KAT6A: variants seen among roughly 807,000 people sequenced by gnomAD.
The protein encoded by KAT6A is histone acetyltransferase KAT6A.
A neutral mutation model predicts 198.4 loss-of-function variants in KAT6A; 9 were observed. That is an observed-to-expected ratio of 0.05 (90% confidence interval 0.03 to 0.08). The LOEUF is 0.08. KAT6A is among the 10% of genes least tolerant of loss of function. KAT6A has a pLI of 1.00. For missense variants in KAT6A, 2,077 were observed against 2,509.9 expected, an observed-to-expected ratio of 0.83 and a Z score of 3.69; for synonymous variants, 890 against 883.0, an observed-to-expected ratio of 1.01 and a Z score of -0.14.
At chr8:42,029,775 TATTTC>T (rs1207912119) in intron 2 of KAT6A, among the ~76,000 whole-genome samples, 1 of 152,088 alleles carries the variant, frequency 6.6e-6, no homozygotes, top group Non-Finnish European at 1.5e-5. Context: ...TTATAGCTTT[TATTTC>T]ATTAGTTGAA....
At chr8:41,968,730 G>T (rs530338312) in intron 8 of KAT6A, among the ~76,000 whole-genome samples, 3 of 152,104 alleles carry the variant, frequency 2.0e-5, no homozygotes, top group African/African-American at 7.2e-5. Flanking sequence ...CTCCAAGCTC[G>T]TAAGATCATA....
intron 2 of KAT6A, among the ~76,000 whole-genome samples, chr8:42,005,353 T>C (rs1825686982): frequency 6.6e-6 from 1 of 152,180 alleles, no homozygotes; most frequent in African/African-American, 2.4e-5. Flanking sequence ...CGTAACAGTA[T>C]AAATAAAGCC....
At chr8:41,985,580 C>T (rs1824561579) in intron 3 of KAT6A, among the ~76,000 whole-genome samples, 1 of 152,164 alleles carries the variant, frequency 6.6e-6, no homozygotes, top group Non-Finnish European at 1.5e-5. Context: ...GATGGCCAAA[C>T]TTAGCACTTC....
intron 9 of KAT6A, among the ~76,000 whole-genome samples, chr8:41,949,756 A>G (rs1345142994): frequency 1.3e-5 from 2 of 152,218 alleles, no homozygotes; most frequent in Non-Finnish European, 2.9e-5. Context: ...TTATCTGAGA[A>G]CATCTAAAAT....
intron 2 of KAT6A, among the ~76,000 whole-genome samples, chr8:41,995,972 G>A (rs1015770658): frequency 3.3e-5 from 5 of 151,852 alleles, no homozygotes; most frequent in South Asian, 2.1e-4. Flanking sequence ...CACCACGCCC[G>A]GTCCCAATTT....
chr8:41,980,215 A>G (rs1347266277), intron 5 of KAT6A, among the ~76,000 whole-genome samples: 2 of 152,184 alleles, frequency 1.3e-5, no homozygotes, highest in Non-Finnish European at 2.9e-5. Context: ...ACCTATAAGC[A>G]TATGAATATG....
At chr8:41,998,904 A>C (rs186519970) in intron 2 of KAT6A, among the ~76,000 whole-genome samples, 2 of 152,268 alleles carry the variant, frequency 1.3e-5, no homozygotes. Context: ...TACTTATAGT[A>C]TATAACTTTC....
At chr8:41,999,333 C>A (rs1476975990) in intron 2 of KAT6A, among the ~76,000 whole-genome samples, 1 of 152,116 alleles carries the variant, frequency 6.6e-6, no homozygotes, top group Non-Finnish European at 1.5e-5. Context: ...CTCATTCATC[C>A]AAATACTGGA....
intron 1 of KAT6A, among the ~76,000 whole-genome samples, chr8:42,051,378 C>G (rs1180295788): frequency 6.6e-6 from 1 of 151,606 alleles, no homozygotes; most frequent in Admixed American, 6.6e-5. Context: ...CCCGCGCCCC[C>G]GGCCGGAGCC....
At chr8:41,969,857 C>T (rs921524928) in intron 8 of KAT6A, among the ~76,000 whole-genome samples, 1 of 152,144 alleles carries the variant, frequency 6.6e-6, no homozygotes, top group South Asian at 2.1e-4. Context: ...CACCCTTAGA[C>T]GTTTACATAG....
At chr8:42,042,649 C>T (rs1362933706) in intron 2 of KAT6A, among the ~76,000 whole-genome samples, 1 of 152,154 alleles carries the variant, frequency 6.6e-6, no homozygotes, top group Admixed American at 6.5e-5. Flanking sequence ...CTTTCTGCTC[C>T]AGGTTACCCA....
At chr8:41,964,811 TG>T (rs534234408) in intron 8 of KAT6A, among the ~76,000 whole-genome samples, 12 of 152,156 alleles carry the variant, frequency 7.9e-5, no homozygotes, top group Non-Finnish European at 7.3e-5. Flanking sequence ...ATTAAAACGA[TG>T]TACTGTAATA....
intron 2 of KAT6A, among the ~76,000 whole-genome samples, chr8:42,047,244 G>A (rs1802358964): frequency 6.6e-6 from 1 of 152,062 alleles, no homozygotes; most frequent in South Asian, 2.1e-4. Context: ...TAAGATACTA[G>A]GTCAATGTAA....
At chr8:42,000,423 C>T (rs1469519028) in intron 2 of KAT6A, among the ~76,000 whole-genome samples, 2 of 151,892 alleles carry the variant, frequency 1.3e-5, no homozygotes, top group African/African-American at 4.8e-5. Context: ...TGGTGGCAAG[C>T]GCCTGTAATC....
At chr8:41,937,228 C>T in intron 16 of KAT6A, 28 bp downstream of exon 16, 2 of 1,563,542 alleles carry the variant, frequency 1.3e-6, no homozygotes, top group Non-Finnish European at 1.8e-6. Context: ...GACAATAAAC[C>T]ACAGTAAGTG....
intron 2 of KAT6A, among the ~76,000 whole-genome samples, chr8:42,036,046 C>T (rs551948661): frequency 6.6e-6 from 1 of 151,862 alleles, no homozygotes; most frequent in Non-Finnish European, 1.5e-5. Context: ...GGTAGCAAAG[C>T]GGGCAGAAAT....
intron 2 of KAT6A, among the ~76,000 whole-genome samples, chr8:42,011,046 A>C (rs1289955226): frequency 5.3e-5 from 8 of 152,228 alleles, no homozygotes; most frequent in Non-Finnish European, 7.3e-5. Context: ...AGTTGTCCCC[A>C]AAAACCAATT....
chr8:41,941,898 T>C (rs1292597256), intron 14 of KAT6A, among the ~76,000 whole-genome samples: 1 of 152,226 alleles, frequency 6.6e-6, no homozygotes, highest in Non-Finnish European at 1.5e-5. Context: ...AATAAAAATT[T>C]GTAAACAGGG....
intron 2 of KAT6A, among the ~76,000 whole-genome samples, chr8:41,992,927 T>C (rs1322982570): frequency 6.6e-6 from 1 of 152,230 alleles, no homozygotes; most frequent in Non-Finnish European, 1.5e-5. Flanking sequence ...CAAATTATTG[T>C]TATTCTTCAG....
Sources: allele counts gnomAD v4.1 joint callset (sites outside exome capture counted in the v4.1 genomes callset), GRCh38; gene constraint gnomAD v4.1.1; transcripts MANE v1.5; gene names NCBI Gene and HGNC (gene_info 2026-07-23, HGNC 2026-07-21).